The following RYR3 variants were observed in gnomAD, a reference collection of about 807,000 sequenced individuals.
The protein encoded by RYR3 is ryanodine receptor 3, also known as brain ryanodine receptor-calcium release channel.
Under a neutral mutation model 584.3 loss-of-function variants are expected in RYR3, and 207 were observed. The ratio of observed to expected loss-of-function variants is 0.35; its 90% CI spans 0.32 to 0.40. RYR3 has a LOEUF of 0.40. Among genes scored for constraint, RYR3 ranks in the 10% least tolerant of loss-of-function variants. The pLI is 1.00. For missense variants in RYR3, 5,616 were observed against 6,089.2 expected (o/e 0.92, Z 2.59); for synonymous variants, 2,416 against 2,248.5 (o/e 1.07, Z -2.11).
chr15:33,477,121 A>G (rs1481152820), intron 2 of RYR3, among the ~76,000 whole-genome samples: 3 of 152,194 alleles, frequency 2.0e-5, no homozygotes, highest in Admixed American at 1.3e-4. Context: ...GGCACTGGGC[A>G]TGAGGCACAG....
chr15:33,722,571 C>T, intron 43 of RYR3, 144 bp from the exon 44 acceptor site: 1 of 727,010 alleles, frequency 1.4e-6, no homozygotes, highest in Non-Finnish European at 2.4e-6. Flanking sequence ...CTTCTCCACT[C>T]CCACTGCCCA....
intron 1 of RYR3, among the ~76,000 whole-genome samples, chr15:33,343,592 T>A (rs1477346649): frequency 1.3e-5 from 2 of 152,216 alleles, no homozygotes; most frequent in Admixed American, 1.3e-4. Flanking sequence ...TCCTTGCCTA[T>A]TTTTTACTGT....
At chr15:33,587,588 C>T (rs1595724832) in intron 16 of RYR3, among the ~76,000 whole-genome samples, 1 of 152,170 alleles carries the variant, frequency 6.6e-6, no homozygotes, top group Non-Finnish European at 1.5e-5. Flanking sequence ...AATGCCTGAT[C>T]TGATATGTTA....
At chr15:33,726,065 G>A (rs914578712) in intron 45 of RYR3, among the ~76,000 whole-genome samples, 1 of 149,152 alleles carries the variant, frequency 6.7e-6, no homozygotes, top group Admixed American at 6.9e-5. Flanking sequence ...GAGCACTTCC[G>A]GCAGTGCAGT....
chr15:33,488,002 A>G (rs1245794177), intron 2 of RYR3, among the ~76,000 whole-genome samples: 6 of 152,238 alleles, frequency 3.9e-5, no homozygotes, highest in Admixed American at 2.0e-4. Flanking sequence ...ACACATGTCA[A>G]GTTTATTAAT....
intron 12 of RYR3, among the ~76,000 whole-genome samples, chr15:33,573,809 G>C (rs2058159573): frequency 6.6e-6 from 1 of 152,196 alleles, no homozygotes; most frequent in African/African-American, 2.4e-5. Flanking sequence ...TTTACTCTCT[G>C]AGGTTCTTCT....
intron 18 of RYR3, among the ~76,000 whole-genome samples, chr15:33,607,475 G>C (rs1451580983): frequency 6.6e-6 from 1 of 152,132 alleles, no homozygotes. Context: ...ATGGTCTCTA[G>C]AGTTATTCAG....
At chr15:33,435,562 G>A (rs1006556126) in intron 1 of RYR3, among the ~76,000 whole-genome samples, 32 of 152,160 alleles carry the variant, frequency 2.1e-4, no homozygotes, top group African/African-American at 4.8e-4. Context: ...AAATTGATGG[G>A]TCAAATGGGC....
intron 1 of RYR3, among the ~76,000 whole-genome samples, chr15:33,457,179 A>G (rs190464502): frequency 1.2e-4 from 18 of 152,338 alleles, no homozygotes; most frequent in African/African-American, 4.1e-4. Flanking sequence ...AGATACATAC[A>G]TATTAGCTTT....
chr15:33,643,656 G>T (rs898223008), intron 27 of RYR3, among the ~76,000 whole-genome samples: 1 of 152,080 alleles, frequency 6.6e-6, no homozygotes, highest in Non-Finnish European at 1.5e-5. Context: ...TCCTACTCTC[G>T]AAACGTGAAG....
chr15:33,838,456 G>C lies in RYR3; in HGVS notation c.12476G>C (p.Arg4159Thr), dbSNP rs1479565633. ...AGGAATGTCACCGACTTCCTGAAGA[G>C]AGCAACCCTGAAGAACCTCAGGAAG... The part of the protein sequence containing the change: ...VKRNVTDFLK[R>T]ATLKNLRKQY... The change falls in exon 89 of 104, where the codon AGA becomes ACA. Residue 4159 changes from arginine to threonine, a missense_variant. Physicochemically the swap from Arg to Thr is moderately conservative, Grantham distance 71 (BLOSUM62 -1). This residue lies in a region of RYR3 where 918 missense variants were observed against 887.4 expected (regional missense o/e 1.03). Transcript: ENST00000634891. 1.2e-6 allele frequency: 2 copies of C among 1,613,920 alleles called. No homozygotes were observed. Among genetic ancestry groups the C allele is most frequent in the East Asian group, 2.2e-5 (1 of 44,896 alleles).
chr15:33,504,843 G>A lies in RYR3; in HGVS notation c.279+1105G>A, dbSNP rs192057233. Among the ~76,000 whole-genome samples the A allele has an allele frequency of 5.4e-4, 82 of 152,178 alleles. 1 individual carries two copies. In the East Asian group the frequency reaches 7.7e-3, roughly 14 times the overall value. The stretch of plus-strand genomic sequence containing the variant: ...TGCATATCACCTATTCCTTCCACAT[G>A]GAACAGCTTCCCTCCTCCTCTCTCA... On this transcript the variant is annotated intron_variant, in intron 3 of 103. Coordinates refer to ENST00000634891, the MANE Select transcript of RYR3 (RefSeq NM_001036.6).
At chr15:33,849,691 A>G (rs1399686562) in intron 94 of RYR3, 4 of 152,234 alleles carry the variant, frequency 2.6e-5, no homozygotes, top group East Asian at 1.9e-4. Context: ...AGGTGTGCCA[A>G]TTAAGATAGG....
intron 12 of RYR3, among the ~76,000 whole-genome samples, chr15:33,572,806 C>A (rs1400482987): frequency 6.6e-6 from 1 of 151,872 alleles, no homozygotes; most frequent in Non-Finnish European, 1.5e-5. Flanking sequence ...GAAACCCCGT[C>A]TTTACTAAAA....
rs1026537565 is a variant in RYR3 at position 33,755,283 on chromosome 15, T to A, written c.8515+103T>A. ...TTATGATTCATTTAGGTGCATGATT[T>A]TAGGGGGAAAACAGTGGCTGAAATT... is the stretch of plus-strand genomic sequence containing the variant. On this transcript the variant is annotated intron_variant, in intron 58 of 103. Coordinates refer to ENST00000634891, the MANE Select transcript of RYR3 (RefSeq NM_001036.6). 6.6e-5 allele frequency: 50 copies of A among 761,764 alleles called. No individual in the cohort carries two copies. The Admixed American group carries it at 8.2e-4, about 13-fold the overall frequency. The allele number at this position is 761,764 out of a possible 1,614,324, so 47.2% of individuals were successfully genotyped here.
chr15:33,349,252 C>T (rs1972883671), intron 1 of RYR3, among the ~76,000 whole-genome samples: 1 of 151,996 alleles, frequency 6.6e-6, no homozygotes, highest in Non-Finnish European at 1.5e-5. Context: ...TTCACATACA[C>T]GTTTTGTGTA....
chr15:33,606,864 T>C (rs549071956), intron 18 of RYR3, among the ~76,000 whole-genome samples: 5 of 152,288 alleles, frequency 3.3e-5, no homozygotes, highest in Admixed American at 2.6e-4. Flanking sequence ...AGCAAAAGAA[T>C]TGACCATCCC....
chr15:33,468,033 A>G (rs1349571069), intron 1 of RYR3, among the ~76,000 whole-genome samples: 1 of 152,154 alleles, frequency 6.6e-6, no homozygotes, highest in Non-Finnish European at 1.5e-5. Context: ...AGTCTCTTAG[A>G]GTAAGAGAGC....
At position 33,669,228 on chromosome 15, in the gene RYR3, C is replaced by T. The variant is rs116577962; in HGVS notation, c.5620-126C>T. ...ACTTGTAAATATTGGCCACTTTTAC[C>T]AAAAAAAAAAAAATCACTAAGTAAA... On this transcript the variant is annotated intron_variant, in intron 36 of 103. Transcript: ENST00000634891. 1.0e-3 allele frequency: 525 copies of T among 514,998 alleles called. 1 individual carries two copies. Among genetic ancestry groups the T allele is most frequent in the African/African-American group, 0.01 (481 of 47,638 alleles). 31.9% of individuals were successfully genotyped at this position (514,998 alleles called of 1,614,324 possible).
Sources: gnomAD v4.1 joint callset for allele counts (sites outside exome capture counted in the v4.1 genomes callset) on GRCh38, gnomAD v4.1.1 for gene constraint, gnomAD v4.1.1 regional missense constraint, MANE v1.5 for transcripts, NCBI Gene and HGNC (gene_info 2026-07-23, HGNC 2026-07-21) for gene names.